Variants in SNCAIP observed in about 807,000 individuals in gnomAD.
SNCAIP encodes synphilin-1.
A neutral mutation model predicts 86.7 loss-of-function variants in SNCAIP; 43 were observed. The observed-to-expected ratio is 0.50, with a 90% CI of 0.39 to 0.64. The LOEUF is 0.64. Ranked by LOEUF, SNCAIP falls within the 30% of genes least tolerant of loss-of-function variation. The pLI, the probability that SNCAIP is intolerant of heterozygous loss-of-function variation, is 0.00. For synonymous variants in SNCAIP, 417 were observed against 427.2 expected, an observed-to-expected ratio of 0.98 and a Z score of 0.29; for missense variants, 981 against 1,103.1, an observed-to-expected ratio of 0.89 and a Z score of 1.57.
At chr5:122,330,117 CTTTTTT>C (rs1212303157) in intron 1 of SNCAIP, among the ~76,000 whole-genome samples, 1 of 96,850 alleles carries the variant, frequency 1.0e-5, no homozygotes, top group African/African-American at 4.3e-5. Flanking sequence ...AACTTCATTT[CTTTTTT>C]TTTTTTTTTT....
chr5:122,425,306 G>A, intron 4 of SNCAIP, 46 bp from the exon 5 acceptor site: 1 of 1,466,686 alleles, frequency 6.8e-7, no homozygotes, highest in Non-Finnish European at 9.6e-7. Flanking sequence ...ACAGGGTCTT[G>A]CTCTGATTTA....
At chr5:122,381,770 G>A (rs1025853757) in intron 1 of SNCAIP, among the ~76,000 whole-genome samples, 2 of 152,026 alleles carry the variant, frequency 1.3e-5, no homozygotes, top group Non-Finnish European at 2.9e-5. Flanking sequence ...TTGCTTGTCT[G>A]TAAAGTATTT....
In SNCAIP at chr5:122,423,120, G is replaced by A. The variant is rs375841834; in HGVS notation, c.383G>A (p.Gly128Asp). ...CTTGGCCCTGGAGATGGAGTGGGCGGCCCACCAGGTAAGAGCTCTGAGCCC... is the reference window on the plus strand; with the variant it reads ...CTTGGCCCTGGAGATGGAGTGGGCGACCCACCAGGTAAGAGCTCTGAGCCC... ...QELGPGDGVG[G>D]PPGKSSEPST... Residue 128 changes from glycine (G) to aspartate (D), a missense_variant, in exon 4 of 11, where the codon GGC (glycine) becomes GAC (aspartate). Transcript: ENST00000261368. The A allele has an allele frequency of 1.3e-5, 21 of 1,614,038 alleles. No homozygotes were observed. The highest frequency in any genetic ancestry group is 1.8e-5 in the Non-Finnish European group (21 of 1,180,040).
chr5:122,331,744 C>G (rs1470763848), intron 1 of SNCAIP, among the ~76,000 whole-genome samples: 1 of 152,170 alleles, frequency 6.6e-6, no homozygotes, highest in Non-Finnish European at 1.5e-5. Context: ...CACTTAATCC[C>G]GTATCGTTCT....
chr5:122,347,631 TCTTA>T (rs1326452028), intron 1 of SNCAIP, among the ~76,000 whole-genome samples: 1 of 152,100 alleles, frequency 6.6e-6, no homozygotes, highest in Non-Finnish European at 1.5e-5. Context: ...TCCATATTGA[TCTTA>T]CTTTGTCTCC....
intron 2 of SNCAIP, among the ~76,000 whole-genome samples, chr5:122,392,655 A>G (rs1292833831): frequency 2.0e-5 from 3 of 152,306 alleles, no homozygotes; most frequent in African/African-American, 7.2e-5. Context: ...TTAAAAGCAA[A>G]GGCTTTGAAA....
At chr5:122,336,190 G>C (rs1756424123) in intron 1 of SNCAIP, among the ~76,000 whole-genome samples, 1 of 152,034 alleles carries the variant, frequency 6.6e-6, no homozygotes, top group Non-Finnish European at 1.5e-5. Flanking sequence ...GAGAGAGAGA[G>C]AAAGAGAGAG....
intron 8 of SNCAIP, among the ~76,000 whole-genome samples, chr5:122,446,610 A>T (rs545460540): frequency 6.6e-6 from 1 of 152,336 alleles, no homozygotes; most frequent in African/African-American, 2.4e-5. Flanking sequence ...CAATGACAAG[A>T]TGAACTAAGA....
intron 3 of SNCAIP, among the ~76,000 whole-genome samples, chr5:122,412,910 C>T (rs1238763769): frequency 6.6e-6 from 1 of 152,216 alleles, no homozygotes; most frequent in African/African-American, 2.4e-5. Context: ...GGTCTTGAGT[C>T]TCTGTGCTCA....
chr5:122,341,043 C>G (rs1757469152), intron 1 of SNCAIP, among the ~76,000 whole-genome samples: 5 of 152,130 alleles, frequency 3.3e-5, no homozygotes, highest in Admixed American at 3.3e-4. Flanking sequence ...GGCCCACCAC[C>G]CTTCCCCTTC....
At chr5:122,382,657 T>C (rs1312198943) in intron 1 of SNCAIP, among the ~76,000 whole-genome samples, 1 of 152,056 alleles carries the variant, frequency 6.6e-6, no homozygotes, top group East Asian at 1.9e-4. Context: ...TTCTGTTTTT[T>C]CCCCATCTTT....
In SNCAIP at chr5:122,451,085, C is replaced by T. The variant is rs1003935343; in HGVS notation, c.2238C>T (p.His746=). Residue 746 remains histidine (H), a synonymous_variant, in exon 10 of 11, where the codon CAC becomes CAT. Coordinates refer to ENST00000261368, the MANE Select transcript of SNCAIP (RefSeq NM_005460.4). ...AGGCCTCCAAATCCCTGGATGGCCA[C>T]AGCCCATCTCCCACCTCAGAGAGCA... is the stretch of plus-strand genomic sequence containing the variant. The part of the protein sequence containing the change: ...SIKASKSLDG[H]SPSPTSESSE... 6.2e-7 allele frequency: 1 copy of T among 1,614,198 alleles called. No homozygotes were observed. Among genetic ancestry groups the T allele is most frequent in the Non-Finnish European group, 8.5e-7 (1 of 1,180,030 alleles).
chr5:122,342,594 G>T (rs1312133296), intron 1 of SNCAIP, among the ~76,000 whole-genome samples: 2 of 152,168 alleles, frequency 1.3e-5, no homozygotes, highest in Non-Finnish European at 2.9e-5. Flanking sequence ...AACTTTTAAT[G>T]ACCATTATCC....
intron 8 of SNCAIP, among the ~76,000 whole-genome samples, chr5:122,446,772 G>A (rs538590086): frequency 3.3e-5 from 5 of 152,322 alleles, no homozygotes; most frequent in African/African-American, 1.2e-4. Flanking sequence ...AAGGACAGGA[G>A]AGAGGATGGA....
chr5:122,367,307 A>T (rs1763378091), intron 1 of SNCAIP, among the ~76,000 whole-genome samples: 1 of 152,206 alleles, frequency 6.6e-6, no homozygotes, highest in Non-Finnish European at 1.5e-5. Context: ...GTAATAGAAG[A>T]TAATCTTATT....
At chr5:122,407,443 G>C (rs1232890325) in intron 3 of SNCAIP, among the ~76,000 whole-genome samples, 1 of 152,180 alleles carries the variant, frequency 6.6e-6, no homozygotes, top group Non-Finnish European at 1.5e-5. Context: ...ACTCCTTGGG[G>C]AGTTCAGATT....
intron 10 of SNCAIP, among the ~76,000 whole-genome samples, chr5:122,462,627 T>C (rs1361842802): frequency 1.3e-5 from 2 of 152,132 alleles, no homozygotes; most frequent in African/African-American, 4.8e-5. Flanking sequence ...ACACTGAAAA[T>C]AGGCTTCATG....
chr5:122,357,523 C>T (rs953400606), intron 1 of SNCAIP, among the ~76,000 whole-genome samples: 5 of 152,102 alleles, frequency 3.3e-5, no homozygotes, highest in African/African-American at 7.2e-5. Context: ...CATGAGCCAC[C>T]GTGCTCAGCC....
At chr5:122,431,143 C>T (rs1042483013) in intron 5 of SNCAIP, among the ~76,000 whole-genome samples, 1 of 152,026 alleles carries the variant, frequency 6.6e-6, no homozygotes, top group Non-Finnish European at 1.5e-5. Context: ...AATTAGAATG[C>T]TCATATGATG....
Sources: allele counts gnomAD v4.1 joint callset (sites outside exome capture counted in the v4.1 genomes callset), GRCh38; gene constraint gnomAD v4.1.1; transcripts MANE v1.5; gene names NCBI Gene and HGNC (gene_info 2026-07-23, HGNC 2026-07-21).